Variants in ATXN7L1 observed in about 807,000 individuals in gnomAD.
ATXN7L1 encodes ataxin 7 like 1, also known as ataxin-7-like protein 1.
Under a neutral mutation model 70.8 loss-of-function variants are expected in ATXN7L1, and 15 were observed. That is an observed-to-expected ratio of 0.21 (90% CI 0.14 to 0.33). ATXN7L1 has a LOEUF of 0.33. Among genes scored for constraint, ATXN7L1 ranks in the 10% least tolerant of loss-of-function variants. The probability of loss-of-function intolerance (pLI) is 1.00; values close to 1 mark genes in which losing one functional copy is unlikely to be tolerated. For synonymous variants in ATXN7L1, 440 were observed against 445.1 expected (o/e 0.99, Z 0.14); for missense variants, 975 against 1,097.1 (o/e 0.89, Z 1.57).
intron 3 of ATXN7L1, among the ~76,000 whole-genome samples, chr7:105,719,721 G>A (rs1443825076): frequency 6.6e-6 from 1 of 152,172 alleles, no homozygotes; most frequent in Non-Finnish European, 1.5e-5. Context: ...GCCCACAGTG[G>A]AAATGGGAAG....
At chr7:105,739,769 C>T (rs1364089702) in intron 3 of ATXN7L1, among the ~76,000 whole-genome samples, 2 of 152,182 alleles carry the variant, frequency 1.3e-5, no homozygotes, top group African/African-American at 2.4e-5. Context: ...CAACAAGTTC[C>T]CTAGGGATCC....
At chr7:105,829,225 C>T (rs1217140962) in intron 2 of ATXN7L1, among the ~76,000 whole-genome samples, 1 of 152,076 alleles carries the variant, frequency 6.6e-6, no homozygotes, top group Non-Finnish European at 1.5e-5. Flanking sequence ...AGTTCGAGAC[C>T]AGCCTGGCCA....
At chr7:105,809,282 A>G (rs890150322) in intron 2 of ATXN7L1, among the ~76,000 whole-genome samples, 4 of 152,366 alleles carry the variant, frequency 2.6e-5, no homozygotes, top group Admixed American at 6.5e-5. Context: ...CCCATATAAC[A>G]TGAGATCTAC....
intron 3 of ATXN7L1, among the ~76,000 whole-genome samples, chr7:105,752,952 T>C (rs928022284): frequency 6.6e-6 from 1 of 152,084 alleles, no homozygotes; most frequent in Non-Finnish European, 1.5e-5. Context: ...TTGAAGACCA[T>C]AGTGAATTGA....
chr7:105,658,785 C>T (rs528657438), intron 4 of ATXN7L1, among the ~76,000 whole-genome samples: 3 of 152,228 alleles, frequency 2.0e-5, no homozygotes, highest in East Asian at 3.9e-4. Flanking sequence ...CCATCCGCTT[C>T]GGCTTCCCAA....
intron 4 of ATXN7L1, among the ~76,000 whole-genome samples, chr7:105,663,888 G>A (rs1802104306): frequency 6.6e-6 from 1 of 152,002 alleles, no homozygotes; most frequent in Non-Finnish European, 1.5e-5. Context: ...GCTTGCCTCA[G>A]CCTCCCCAGT....
intron 3 of ATXN7L1, among the ~76,000 whole-genome samples, chr7:105,717,408 G>A (rs755657773): frequency 3.3e-5 from 5 of 152,098 alleles, no homozygotes; most frequent in Non-Finnish European, 7.3e-5. Context: ...TTACAGACAT[G>A]AGCCACTATG....
At chr7:105,839,944 C>T (rs951929645) in intron 2 of ATXN7L1, among the ~76,000 whole-genome samples, 3 of 152,236 alleles carry the variant, frequency 2.0e-5, no homozygotes, top group Non-Finnish European at 4.4e-5. Flanking sequence ...GCTAATTCTG[C>T]ATGGGTCTGA....
chr7:105,789,047 C>T (rs1804741947), intron 2 of ATXN7L1, among the ~76,000 whole-genome samples: 1 of 152,206 alleles, frequency 6.6e-6, no homozygotes, highest in Non-Finnish European at 1.5e-5. Flanking sequence ...CACACTGAGG[C>T]TCTATATAGC....
Position 105,615,448 on chromosome 7 carries a change from T to A in ATXN7L1, c.1518-632A>T, listed in dbSNP as rs575067391. Among the ~76,000 whole-genome samples the A allele has an allele frequency of 4.6e-5, 7 of 152,292 alleles. No homozygotes were observed. The South Asian group carries it at 1.5e-3, about 32-fold the overall frequency. ...CTCTGGTTCCCTCTGCAGAGAGCCA[T>A]TTCCACACTGACTCGCGGCTGCTGG... On this transcript the variant is annotated intron_variant, in intron 9 of 11. Coordinates refer to ENST00000419735, the MANE Select transcript of ATXN7L1 (RefSeq NM_020725.2).
chr7:105,876,568 G>C lies in ATXN7L1; in HGVS notation c.-10C>G. Reference sequence around the variant, plus strand: ...AACGCTCCGACGTCATCTTCGGAACGTTCCGACATTGAGTGTTCTGAAAGG... The same window carrying C: ...AACGCTCCGACGTCATCTTCGGAACCTTCCGACATTGAGTGTTCTGAAAGG... On this transcript the variant is annotated 5_prime_UTR_variant, in exon 1 of 12. Coordinates refer to ENST00000419735, the MANE Select transcript of ATXN7L1 (RefSeq NM_020725.2). 1 of 1,358,584 alleles carries C rather than the reference G, an allele frequency of 7.4e-7. No individual in the cohort carries two copies. The highest frequency in any genetic ancestry group is 9.8e-7 in the Non-Finnish European group (1 of 1,018,804). The allele number at this position is 1,358,584 out of a possible 1,614,324, so 84.2% of individuals were successfully genotyped here.
chr7:105,758,734 G>C (rs796211860), intron 3 of ATXN7L1, among the ~76,000 whole-genome samples: 5 of 152,386 alleles, frequency 3.3e-5, no homozygotes, highest in African/African-American at 7.2e-5. Context: ...GCCCAGGGTA[G>C]AATGTGCTGG....
At chr7:105,830,953 C>T (rs908576200) in intron 2 of ATXN7L1, among the ~76,000 whole-genome samples, 7 of 152,248 alleles carry the variant, frequency 4.6e-5, no homozygotes, top group Admixed American at 3.9e-4. Context: ...CAATCTACGT[C>T]CACAGGAGCC....
chr7:105,873,168 AAACAAAAC>A (rs1818530467), intron 2 of ATXN7L1, among the ~76,000 whole-genome samples: 1 of 152,084 alleles, frequency 6.6e-6, no homozygotes, highest in Non-Finnish European at 1.5e-5. Flanking sequence ...AAACAAAACA[AAACAAAAC>A]AAAACAAAAC....
At chr7:105,829,267 CAAACA>C (rs60104616) in intron 2 of ATXN7L1, among the ~76,000 whole-genome samples, 3 of 151,212 alleles carry the variant, frequency 2.0e-5, no homozygotes, top group Admixed American at 6.6e-5. Context: ...ACTAAAAATA[CAAACA>C]AAACAAAACA....
At chr7:105,719,212 C>T (rs185447856) in intron 3 of ATXN7L1, among the ~76,000 whole-genome samples, 8 of 152,228 alleles carry the variant, frequency 5.3e-5, no homozygotes, top group Non-Finnish European at 8.8e-5. Context: ...GCCCACTCAG[C>T]GCCCATCCCC....
At chr7:105,691,525 T>G (rs912502613) in intron 3 of ATXN7L1, 3 of 152,018 alleles carry the variant, frequency 2.0e-5, no homozygotes, top group Non-Finnish European at 4.4e-5. Flanking sequence ...CAAAACATCC[T>G]GCTAGAAGAA....
chr7:105,813,457 C>G (rs201817597), intron 2 of ATXN7L1, among the ~76,000 whole-genome samples: 2 of 151,900 alleles, frequency 1.3e-5, no homozygotes, highest in Non-Finnish European at 2.9e-5. Context: ...CCTGCCTCAG[C>G]CTCCCTAGTA....
chr7:105,637,785 T>C (rs1324609754), intron 7 of ATXN7L1, among the ~76,000 whole-genome samples: 1 of 152,154 alleles, frequency 6.6e-6, no homozygotes, highest in African/African-American at 2.4e-5. Flanking sequence ...TTTCCTGGTG[T>C]GGAGAGACAT....
Sources: allele counts gnomAD v4.1 joint callset (sites outside exome capture counted in the v4.1 genomes callset), GRCh38; gene constraint gnomAD v4.1.1; transcripts MANE v1.5; gene names NCBI Gene and HGNC (gene_info 2026-07-23, HGNC 2026-07-21).